The following CCNF variants were observed in gnomAD, a reference collection of about 807,000 sequenced individuals.
CCNF encodes cyclin-F.
In CCNF, 30 loss-of-function variants were observed where a neutral mutation model predicts 85.4. The observed-to-expected ratio is 0.35, with a 90% CI of 0.26 to 0.48. The LOEUF (loss-of-function observed/expected upper bound fraction) is 0.48, where lower values mean the gene tolerates loss of function less well. Among genes scored for constraint, CCNF ranks in the 20% least tolerant of loss-of-function variants. The pLI is 0.99. For synonymous variants in CCNF, 439 were observed against 425.1 expected (o/e 1.03, Z -0.40); for missense variants, 919 against 1,010.4 (o/e 0.91, Z 1.23).
In CCNF at chr16:2,456,576, C is replaced by G. The variant is rs149659964; in HGVS notation, c.1917C>G (p.Thr639=). The change falls in exon 17 of 17, where the codon ACC becomes ACG. Residue 639 remains threonine, a synonymous_variant. Coordinates refer to ENST00000397066, the MANE Select transcript of CCNF (RefSeq NM_001761.3). This position sits in a 1 kb window ranked among gnomAD's most constrained non-coding sequence, Gnocchi z 4.5. ...VTAPSGILDV[T]VVYLNPEQHC... Reference sequence around the variant, plus strand: ...CTCCCAGCGGCATCCTCGATGTCACCGTGGTCTACCTGAACCCAGAACAGC... The same window carrying G: ...CTCCCAGCGGCATCCTCGATGTCACGGTGGTCTACCTGAACCCAGAACAGC... 1 of 1,559,538 alleles carries G rather than the reference C, an allele frequency of 6.4e-7. No homozygotes were observed. Among genetic ancestry groups the G allele is most frequent in the African/African-American group, 1.4e-5 (1 of 72,836 alleles).
chr16:2,442,092 G>A (rs1015655082), intron 8 of CCNF, among the ~76,000 whole-genome samples: 1 of 145,154 alleles, frequency 6.9e-6, no homozygotes, highest in African/African-American at 2.5e-5. Context: ...CACAAGCTCC[G>A]CCTCCTGGGT....
chr16:2,439,197 C>G (rs746303419), intron 6 of CCNF, among the ~76,000 whole-genome samples, 156 bp from the exon 7 acceptor site: 1 of 152,188 alleles, frequency 6.6e-6, no homozygotes, highest in Non-Finnish European at 1.5e-5. Context: ...ACTCAGGAGG[C>G]TGAGGCAGGA....
At position 2,451,556 on chromosome 16, in the gene CCNF, G is replaced by T. The variant is rs992853553; in HGVS notation, c.1487+1641G>T. The stretch of plus-strand genomic sequence containing the variant: ...CTCAGCCAAATCCAGCAGACTCAGC[G>T]GTGTGGGCTTTTTTTTCCTTTTTTG... On this transcript the variant is annotated intron_variant, in intron 13 of 16. Coordinates refer to ENST00000397066, the MANE Select transcript of CCNF (RefSeq NM_001761.3). The surrounding 1 kb of genome is among the most constrained non-coding windows in gnomAD (Gnocchi z 4.3). Among the ~76,000 whole-genome samples the T allele has an allele frequency of 6.6e-6, 1 of 152,154 alleles. No homozygotes were observed. Among genetic ancestry groups the T allele is most frequent in the East Asian group, 1.9e-4 (1 of 5,194 alleles).
intron 1 of CCNF, among the ~76,000 whole-genome samples, chr16:2,430,692 G>T (rs992519830): frequency 6.6e-6 from 1 of 152,122 alleles, no homozygotes; most frequent in Admixed American, 6.5e-5. Flanking sequence ...CAAGCCCACA[G>T]ATCTTTATTG....
chr16:2,455,057 CAAAAAAA>C (rs113432361), intron 15 of CCNF, among the ~76,000 whole-genome samples: 11 of 47,236 alleles, frequency 2.3e-4, no homozygotes, highest in Non-Finnish European at 4.0e-4. Context: ...AAGAACACCT[CAAAAAAA>C]AAAAAAAAAA....
At chr16:2,447,124 C>T (rs1043869590) in intron 10 of CCNF, among the ~76,000 whole-genome samples, 5 of 152,164 alleles carry the variant, frequency 3.3e-5, no homozygotes, top group African/African-American at 7.2e-5. Flanking sequence ...TACGACAAAG[C>T]TCCTGGGCCA....
chr16:2,456,741 G>A lies in CCNF; in HGVS notation c.2082G>A (p.Gly694=). 6.2e-7 allele frequency: 1 copy of A among 1,612,422 alleles called. No individual in the cohort carries two copies. The highest frequency in any genetic ancestry group is 8.5e-7 in the Non-Finnish European group (1 of 1,179,092). ...KPLVRTSREP[G]KDVTTSGYSS... is the part of the protein sequence containing the mutation. ...TGGTCCGCACCAGCCGGGAGCCAGG[G>A]AAGGACGTCACGACCTCAGGGTACT... The change falls in exon 17 of 17, where the codon GGG becomes GGA. Residue 694 remains glycine, a synonymous_variant. Transcript: ENST00000397066. This position sits in a 1 kb window ranked among gnomAD's most constrained non-coding sequence, Gnocchi z 4.5.
intron 10 of CCNF, among the ~76,000 whole-genome samples, chr16:2,447,880 G>A (rs918062932): frequency 6.6e-6 from 1 of 152,214 alleles, no homozygotes; most frequent in African/African-American, 2.4e-5. Flanking sequence ...TCTTTTTGGC[G>A]TCTGCAGCCC....
In CCNF at chr16:2,448,945, C is replaced by G; in HGVS notation, c.1185C>G (p.Gly395=). The G allele has an allele frequency of 6.2e-7, 1 of 1,614,098 alleles. No individual in the cohort carries two copies. Among genetic ancestry groups the G allele is most frequent in the Non-Finnish European group, 8.5e-7 (1 of 1,179,988 alleles). ...ACGAGGACCTGGTGAGAATGATGGG[C>G]GAGATCGTCTCCGCCTTGGAAGGGA... ...YKYEDLVRMM[G]EIVSALEGKI... Residue 395 remains glycine, a synonymous_variant, in exon 11 of 17, where the codon GGC becomes GGG. Coordinates refer to ENST00000397066, the MANE Select transcript of CCNF (RefSeq NM_001761.3).
Position 2,431,878 on chromosome 16 carries a change from T to G in CCNF, c.171+594T>G, listed in dbSNP as rs1352683768. On this transcript the variant is annotated intron_variant, in intron 2 of 16. Coordinates refer to ENST00000397066, the MANE Select transcript of CCNF (RefSeq NM_001761.3). Reference sequence around the variant, plus strand: ...CAGAGTCTCGCTCTGCCACCCAGGCTGGAGTGCAGTAGCGCAATCTCGGCT... The same window carrying G: ...CAGAGTCTCGCTCTGCCACCCAGGCGGGAGTGCAGTAGCGCAATCTCGGCT... Among the ~76,000 whole-genome samples, 3 of 150,334 alleles carry G rather than the reference T, an allele frequency of 2.0e-5. No individual in the cohort carries two copies. In the East Asian group the frequency reaches 6.0e-4, roughly 30 times the overall value.
Position 2,435,965 on chromosome 16 carries a change from T to C in CCNF, c.346+92T>C, listed in dbSNP as rs923980981. On this transcript the variant is annotated intron_variant, in intron 4 of 16. Transcript: ENST00000397066. The stretch of plus-strand genomic sequence containing the variant: ...GTGGTCCCCGTGTTAGCAGTTCAGT[T>C]GCTGTCCTTGCTCTATCCGATGGCC... The C allele has an allele frequency of 3.1e-5, 27 of 865,818 alleles. No individual in the cohort carries two copies. In the Admixed American group the frequency reaches 4.9e-4, roughly 16 times the overall value. The allele number at this position is 865,818 out of a possible 1,614,324, so 53.6% of individuals were successfully genotyped here.
chr16:2,432,889 T>C, intron 2 of CCNF, 72 bp from the exon 3 acceptor site: 1 of 879,914 alleles, frequency 1.1e-6, no homozygotes. Context: ...CCTCTCGTCC[T>C]CAAGAGCCTC....
rs762782804 is a variant in CCNF at position 2,448,921 on chromosome 16, C to T, written c.1161C>T (p.Tyr387=). 16 of 1,613,878 alleles carry T rather than the reference C, an allele frequency of 9.9e-6. No individual in the cohort carries two copies. In the Middle Eastern group the frequency reaches 4.9e-4, roughly 50 times the overall value. The change falls in exon 11 of 17, where the codon TAC becomes TAT. Residue 387 remains tyrosine (Y), a synonymous_variant. Coordinates refer to ENST00000397066, the MANE Select transcript of CCNF (RefSeq NM_001761.3). ...GGCTCACGGACAACACTTACAAGTA[C>T]GAGGACCTGGTGAGAATGATGGGCG... ...AVWLTDNTYK[Y]EDLVRMMGEI... is the part of the protein sequence containing the mutation.
At chr16:2,435,700 TATA>T in intron 3 of CCNF, 103 bp from the exon 4 acceptor site, 1 of 470,920 alleles carries the variant, frequency 2.1e-6, no homozygotes, top group Non-Finnish European at 4.0e-6. Flanking sequence ...TATATATATA[TATA>T]TTCAATTCAG....
chr16:2,447,624 G>A (rs750578920), intron 10 of CCNF, among the ~76,000 whole-genome samples: 2 of 152,056 alleles, frequency 1.3e-5, no homozygotes, highest in Admixed American at 6.6e-5. Context: ...GGTAGTGGGC[G>A]CCTGTAGTCC....
In CCNF at chr16:2,437,200, C is replaced by T. The variant is rs141610633; in HGVS notation, c.418C>T (p.Arg140Trp). Reference sequence around the variant, plus strand: ...CTCTCGCTTCTTCAGTCTCGCTGAGCGGCTGAATGTGGGTGCCGCACCTTT... The same window carrying T: ...CTCTCGCTTCTTCAGTCTCGCTGAGTGGCTGAATGTGGGTGCCGCACCTTT... ...KASRFFSLAE[R>W]LNVGAAPFIW... The change falls in exon 5 of 17, where the codon CGG becomes TGG. Residue 140 changes from arginine to tryptophan, a missense_variant. By Grantham distance (101) the Arg-to-Trp change is moderately radical (BLOSUM62 -3). This residue lies in a region of CCNF where 410 missense variants were observed against 478.6 expected (regional missense o/e 0.86). Coordinates refer to ENST00000397066, the MANE Select transcript of CCNF (RefSeq NM_001761.3). 8.9e-5 allele frequency: 143 copies of T among 1,612,624 alleles called. No homozygotes were observed. In the African/African-American group the frequency reaches 1.5e-3, roughly 16 times the overall value.
intron 3 of CCNF, 127 bp downstream of exon 3, chr16:2,433,194 C>T (rs2065271393): frequency 1.6e-6 from 1 of 621,600 alleles, no homozygotes; most frequent in Non-Finnish European, 2.9e-6. Context: ...TTGCCTCATA[C>T]CCTGGGGAGT....
intron 8 of CCNF, among the ~76,000 whole-genome samples, chr16:2,440,532 C>T (rs781779692): frequency 1.1e-4 from 17 of 152,074 alleles, no homozygotes; most frequent in East Asian, 9.7e-4. Context: ...CGCTTGAACC[C>T]GGGAGGCAGA....
chr16:2,454,684 T>G (rs529469021), intron 15 of CCNF, among the ~76,000 whole-genome samples: 19 of 152,328 alleles, frequency 1.2e-4, no homozygotes, highest in African/African-American at 4.6e-4. Flanking sequence ...CAGTTGGGTG[T>G]GGGTGTCAGC....
Sources: allele counts gnomAD v4.1 joint callset (sites outside exome capture counted in the v4.1 genomes callset), GRCh38; gene constraint gnomAD v4.1.1; regional missense constraint gnomAD v4.1.1; non-coding constraint Gnocchi (gnomAD v3.1); transcripts MANE v1.5; gene names NCBI Gene and HGNC (gene_info 2026-07-23, HGNC 2026-07-21).